PRR16: variants seen among roughly 807,000 people sequenced by gnomAD.
The protein encoded by PRR16 is proline rich 16.
A neutral mutation model predicts 18.2 loss-of-function variants in PRR16; 6 were observed. The ratio of observed to expected loss-of-function variants is 0.33; its 90% confidence interval spans 0.18 to 0.65. The LOEUF is 0.65. PRR16 is among the 30% of genes least tolerant of loss of function. The pLI is 0.74. For synonymous variants in PRR16, 151 were observed against 147.8 expected (o/e 1.02, Z -0.16); for missense variants, 412 against 376.6 (o/e 1.09, Z -0.78).
the PRR16 span, among the ~76,000 whole-genome samples, chr5:120,742,594 G>A: frequency 2.0e-5 from 3 of 151,778 alleles, no homozygotes; most frequent in Non-Finnish European, 2.9e-5. Flanking sequence ...ATTTATTCAT[G>A]TATTTAATAC....
chr5:120,626,670 G>A (rs1330211340), intron 1 of PRR16, among the ~76,000 whole-genome samples: 1 of 152,042 alleles, frequency 6.6e-6, no homozygotes, highest in Non-Finnish European at 1.5e-5. Context: ...TGGCCCAGAA[G>A]TACCATAGTT....
At chr5:120,785,958 A>G in the PRR16 span, among the ~76,000 whole-genome samples, 1 of 149,874 alleles carries the variant, frequency 6.7e-6, no homozygotes, top group Non-Finnish European at 1.5e-5. Flanking sequence ...ATGGCAATAT[A>G]TATATTTTAG....
chr5:120,693,127 TATA>T, the PRR16 span, among the ~76,000 whole-genome samples: 1 of 152,130 alleles, frequency 6.6e-6, no homozygotes, highest in South Asian at 2.1e-4. Context: ...TATATGTATA[TATA>T]ATATTAATCT....
At chr5:120,738,541 T>C in the PRR16 span, among the ~76,000 whole-genome samples, 3 of 152,152 alleles carry the variant, frequency 2.0e-5, no homozygotes, top group African/African-American at 7.2e-5. Flanking sequence ...TCATTATGGC[T>C]GAAAGTGAGG....
At chr5:120,510,443 C>A (rs902464091) in intron 1 of PRR16, among the ~76,000 whole-genome samples, 4 of 152,138 alleles carry the variant, frequency 2.6e-5, no homozygotes, top group Admixed American at 1.3e-4. Context: ...TACTGCCTGG[C>A]ATGCTTATCA....
intron 1 of PRR16, among the ~76,000 whole-genome samples, chr5:120,537,839 G>C (rs1364207186): frequency 6.7e-6 from 1 of 148,536 alleles, no homozygotes; most frequent in African/African-American, 2.5e-5. Flanking sequence ...TGCAGTGGCG[G>C]GATCTCGGCT....
the PRR16 span, among the ~76,000 whole-genome samples, chr5:120,752,050 C>T: frequency 1.3e-5 from 2 of 152,108 alleles, no homozygotes; most frequent in Admixed American, 6.6e-5. Flanking sequence ...TCTTGAAACA[C>T]CTCTAAATAA....
intron 1 of PRR16, among the ~76,000 whole-genome samples, chr5:120,667,912 G>A (rs982889390): frequency 5.9e-5 from 9 of 152,030 alleles, no homozygotes; most frequent in Non-Finnish European, 8.8e-5. Context: ...GTGTGGTGCT[G>A]AAAAAAATGT....
intron 1 of PRR16, among the ~76,000 whole-genome samples, chr5:120,485,527 T>A (rs1040266929): frequency 2.0e-5 from 3 of 152,238 alleles, no homozygotes; most frequent in South Asian, 2.1e-4. Context: ...TTTGCTGAAG[T>A]TCTCTTAAAT....
chr5:120,700,907 C>T, the PRR16 span, among the ~76,000 whole-genome samples: 1 of 152,138 alleles, frequency 6.6e-6, no homozygotes, highest in South Asian at 2.1e-4. Flanking sequence ...AGCCTTGGGC[C>T]AGAGTTCCAG....
the PRR16 span, among the ~76,000 whole-genome samples, chr5:120,761,436 A>G: frequency 5.3e-5 from 8 of 152,166 alleles, no homozygotes; most frequent in African/African-American, 1.9e-4. Context: ...GACTATATCT[A>G]TAAAGAGGAA....
chr5:120,579,738 A>G (rs1297431072), intron 1 of PRR16, among the ~76,000 whole-genome samples: 1 of 152,188 alleles, frequency 6.6e-6, no homozygotes, highest in Non-Finnish European at 1.5e-5. Context: ...CTTTAATTCC[A>G]TATGAAATTT....
At chr5:120,794,291 G>C in the PRR16 span, among the ~76,000 whole-genome samples, 3 of 152,072 alleles carry the variant, frequency 2.0e-5, no homozygotes, top group Non-Finnish European at 2.9e-5. Context: ...TTGCTTTGTT[G>C]TGCTTCAGAC....
intron 1 of PRR16, among the ~76,000 whole-genome samples, chr5:120,517,701 G>A (rs897673847): frequency 3.9e-5 from 6 of 152,086 alleles, no homozygotes; most frequent in Non-Finnish European, 8.8e-5. Flanking sequence ...ATACTTTGTA[G>A]ATAGTAGAAG....
the PRR16 span, among the ~76,000 whole-genome samples, chr5:120,727,726 T>G: frequency 6.6e-6 from 1 of 152,136 alleles, no homozygotes; most frequent in Non-Finnish European, 1.5e-5. Context: ...ATGTTAAATA[T>G]CTAACATATT....
chr5:120,725,402 T>C, the PRR16 span, among the ~76,000 whole-genome samples: 2 of 150,946 alleles, frequency 1.3e-5, no homozygotes, highest in East Asian at 2.0e-4. Context: ...ACGTTTGTAA[T>C]CCCAGTGCTT....
chr5:120,742,230 T>G, the PRR16 span, among the ~76,000 whole-genome samples: 1 of 150,918 alleles, frequency 6.6e-6, no homozygotes, highest in African/African-American at 2.4e-5. Context: ...GAATTTCTGT[T>G]GTCTGCTTTA....
At chr5:120,563,025 T>C (rs1321653558) in intron 1 of PRR16, among the ~76,000 whole-genome samples, 2 of 152,202 alleles carry the variant, frequency 1.3e-5, no homozygotes, top group African/African-American at 4.8e-5. Context: ...TTCTTTTAGA[T>C]TGAAGAATTC....
chr5:120,641,631 C>T (rs909660350), intron 1 of PRR16, among the ~76,000 whole-genome samples: 1 of 152,096 alleles, frequency 6.6e-6, no homozygotes, highest in Non-Finnish European at 1.5e-5. Flanking sequence ...ACCCTCTCAA[C>T]TGCCCTTGAC....
Sources: gnomAD v4.1 joint callset for allele counts (sites outside exome capture counted in the v4.1 genomes callset) on GRCh38, gnomAD v4.1.1 for gene constraint, MANE v1.5 for transcripts, NCBI Gene and HGNC (gene_info 2026-07-23, HGNC 2026-07-21) for gene names.